Variants in PDE8A observed in about 807,000 individuals in gnomAD.
The protein encoded by PDE8A is high affinity cAMP-specific and IBMX-insensitive 3',5'-cyclic phosphodiesterase 8A.
In PDE8A, 59 loss-of-function variants were observed where a neutral mutation model predicts 105.0. That is an observed-to-expected ratio of 0.56 (90% CI 0.46 to 0.70). The LOEUF (loss-of-function observed/expected upper bound fraction) is 0.70. PDE8A is among the 30% of genes least tolerant of loss of function. The pLI is 0.00. For synonymous variants in PDE8A, 355 were observed against 371.9 expected, an observed-to-expected ratio of 0.95 and a Z score of 0.52; for missense variants, 1,014 against 1,045.9, an observed-to-expected ratio of 0.97 and a Z score of 0.42.
chr15:84,987,465 CT>C (rs10656480), intron 1 of PDE8A, among the ~76,000 whole-genome samples: 60 of 92,436 alleles, frequency 6.5e-4, no homozygotes, highest in East Asian at 2.4e-3. Context: ...GGATTGGTTC[CT>C]TTTTTTTTTT....
intron 6 of PDE8A, among the ~76,000 whole-genome samples, chr15:85,088,728 C>T (rs1219615850): frequency 6.6e-6 from 1 of 152,120 alleles, no homozygotes; most frequent in African/African-American, 2.4e-5. Flanking sequence ...TAGTGTTCCA[C>T]TTATTTTTGT....
chr15:85,080,204 T>C (rs529199639), intron 5 of PDE8A, among the ~76,000 whole-genome samples: 8 of 152,242 alleles, frequency 5.3e-5, no homozygotes, highest in Non-Finnish European at 1.2e-4. Context: ...ATTGATTATA[T>C]AGCTGTGGCT....
At chr15:85,053,859 A>G (rs1238243013) in intron 1 of PDE8A, among the ~76,000 whole-genome samples, 1 of 152,198 alleles carries the variant, frequency 6.6e-6, no homozygotes, top group East Asian at 1.9e-4. Context: ...ACTATGTTGA[A>G]TAGGAGTGGT....
Position 85,097,966 on chromosome 15 carries a change from T to C in PDE8A, c.871T>C (p.Tyr291His). The C allele has an allele frequency of 3.8e-6, 6 of 1,582,878 alleles. No homozygotes were observed. The highest frequency in any genetic ancestry group is 5.2e-6 in the Non-Finnish European group (6 of 1,151,690). ...TTTATAGGAGTGGCAAGGAATTTAC[T>C]ATGCCAAAAAGAAAAACGGAGATAA... ...RIGKEWQGIY[Y>H]AKKKNGDNIQ... Residue 291 changes from tyrosine to histidine, a missense_variant, in exon 9 of 22, where the codon TAT becomes CAT. Transcript: ENST00000394553.
At chr15:85,026,679 T>A (rs1021796550) in intron 1 of PDE8A, among the ~76,000 whole-genome samples, 4 of 152,104 alleles carry the variant, frequency 2.6e-5, no homozygotes, top group Non-Finnish European at 5.9e-5. Flanking sequence ...AAGTTCATTT[T>A]AAAACAAGAT....
intron 1 of PDE8A, among the ~76,000 whole-genome samples, chr15:84,997,000 G>C (rs1174238221): frequency 1.3e-5 from 2 of 151,908 alleles, no homozygotes; most frequent in Non-Finnish European, 2.9e-5. Context: ...GTACACTTAG[G>C]CTACACTAAA....
At chr15:85,135,808 G>C (rs1331997781) in intron 20 of PDE8A, among the ~76,000 whole-genome samples, 2 of 151,928 alleles carry the variant, frequency 1.3e-5, no homozygotes, top group Admixed American at 1.3e-4. Flanking sequence ...GAGTCTCTCT[G>C]AAATCCTGAA....
intron 1 of PDE8A, among the ~76,000 whole-genome samples, chr15:84,998,198 C>CT (rs1265566610): frequency 6.6e-6 from 1 of 152,164 alleles, no homozygotes; most frequent in Non-Finnish European, 1.5e-5. Flanking sequence ...AATCGAAACC[C>CT]TAAGGCAGTT....
chr15:84,987,171 A>G (rs547587936), intron 1 of PDE8A, among the ~76,000 whole-genome samples: 1 of 152,330 alleles, frequency 6.6e-6, no homozygotes, highest in African/African-American at 2.4e-5. Flanking sequence ...GTATATAGAA[A>G]GATATTTCTT....
At chr15:85,013,784 T>G (rs1281700676) in intron 1 of PDE8A, among the ~76,000 whole-genome samples, 1 of 152,244 alleles carries the variant, frequency 6.6e-6, no homozygotes, top group Non-Finnish European at 1.5e-5. Flanking sequence ...AGGTGTTGGC[T>G]GGGTCTTTGG....
intron 5 of PDE8A, among the ~76,000 whole-genome samples, chr15:85,082,377 C>T (rs2081481138): frequency 6.6e-6 from 1 of 151,898 alleles, no homozygotes; most frequent in African/African-American, 2.4e-5. Flanking sequence ...AATGCTTTCT[C>T]CCATCATGTC....
intron 2 of PDE8A, among the ~76,000 whole-genome samples, chr15:85,065,353 G>C (rs144556552): frequency 1.9e-5 from 2 of 107,754 alleles, no homozygotes; most frequent in Non-Finnish European, 3.6e-5. Flanking sequence ...GAGGGGGGAG[G>C]GATAGCATTG....
At position 85,052,412 on chromosome 15, in the gene PDE8A, T is replaced by C. The variant is rs137997308; in HGVS notation, c.187-11958T>C. ...GGAATTGGCACACTGTCTTCCACAG[T>C]GGTTGAACTAGTTTACAGTCCCACC... On this transcript the variant is annotated intron_variant, in intron 1 of 21. Coordinates refer to ENST00000394553, the MANE Select transcript of PDE8A (RefSeq NM_002605.3). 2.9e-3 allele frequency among the ~76,000 whole-genome samples: 435 copies of C among 152,350 alleles called. 2 individuals carry two copies. The highest frequency in any genetic ancestry group is 0.01 in the African/African-American group (421 of 41,580).
intron 8 of PDE8A, among the ~76,000 whole-genome samples, chr15:85,093,171 G>A (rs1428114401): frequency 6.6e-6 from 1 of 152,170 alleles, no homozygotes; most frequent in Non-Finnish European, 1.5e-5. Flanking sequence ...CCAAAGTTTT[G>A]GGATTACAGG....
At chr15:85,088,059 C>T (rs921448792) in intron 6 of PDE8A, among the ~76,000 whole-genome samples, 8 of 152,160 alleles carry the variant, frequency 5.3e-5, no homozygotes, top group Non-Finnish European at 1.0e-4. Flanking sequence ...TTATCCCCAG[C>T]CCAGGCTGTA....
intron 1 of PDE8A, among the ~76,000 whole-genome samples, chr15:85,015,068 T>G (rs2080302082): frequency 6.6e-6 from 1 of 152,180 alleles, no homozygotes; most frequent in Non-Finnish European, 1.5e-5. Context: ...TAGCATAATG[T>G]TTTCAAGGTT....
At chr15:85,079,447 G>A (rs1016592713) in intron 5 of PDE8A, among the ~76,000 whole-genome samples, 1 of 152,196 alleles carries the variant, frequency 6.6e-6, no homozygotes, top group Non-Finnish European at 1.5e-5. Flanking sequence ...ATCTATGTCT[G>A]CTTTTGAGAT....
chr15:84,981,590 A>T (rs927317567), upstream of PDE8A, among the ~76,000 whole-genome samples: 1 of 151,820 alleles, frequency 6.6e-6, no homozygotes, highest in African/African-American at 2.4e-5. Context: ...CTAGCCTTGT[A>T]CCCCACCGGC....
At chr15:85,037,288 C>G (rs911709920) in intron 1 of PDE8A, among the ~76,000 whole-genome samples, 1 of 152,178 alleles carries the variant, frequency 6.6e-6, no homozygotes, top group Non-Finnish European at 1.5e-5. Context: ...TGGTCTCAAA[C>G]TCCCAACCTC....
Sources: gnomAD v4.1 joint callset for allele counts (sites outside exome capture counted in the v4.1 genomes callset) on GRCh38, gnomAD v4.1.1 for gene constraint, MANE v1.5 for transcripts, NCBI Gene and HGNC (gene_info 2026-07-23, HGNC 2026-07-21) for gene names.